The following SOX6 variants were observed in gnomAD, a reference collection of about 807,000 sequenced individuals.
The protein encoded by SOX6 is SRY-box transcription factor 6.
A neutral mutation model predicts 97.8 loss-of-function variants in SOX6; 11 were observed. The ratio of observed to expected loss-of-function variants is 0.11; its 90% CI spans 0.07 to 0.19. The LOEUF (loss-of-function observed/expected upper bound fraction) is 0.19. SOX6 is among the 10% of genes least tolerant of loss of function. The pLI is 1.00. For missense variants in SOX6, 810 were observed against 1,039.5 expected (o/e 0.78, Z 3.04); for synonymous variants, 360 against 371.4 (o/e 0.97, Z 0.35).
At chr11:16,063,417 C>T (rs1366864619) in intron 9 of SOX6, among the ~76,000 whole-genome samples, 2 of 145,984 alleles carry the variant, frequency 1.4e-5, no homozygotes, top group Non-Finnish European at 3.0e-5. Context: ...AAAAGAGAAG[C>T]ATGCTTTGTC....
At chr11:16,509,857 T>TTTCAGC (rs1378088674) in intron 4 of SOX6, among the ~76,000 whole-genome samples, 1 of 152,076 alleles carries the variant, frequency 6.6e-6, no homozygotes, top group Admixed American at 6.5e-5. Context: ...AAGCAGATTA[T>TTTCAGC]TTCAGCTTAA....
intron 7 of SOX6, among the ~76,000 whole-genome samples, chr11:16,105,466 G>A (rs759229783): frequency 8.5e-5 from 13 of 152,066 alleles, no homozygotes; most frequent in Admixed American, 2.0e-4. Context: ...TACTTGGGAG[G>A]CTGAGGTAGA....
intron 1 of SOX6, among the ~76,000 whole-genome samples, chr11:16,437,244 G>C (rs570437605): frequency 1.3e-5 from 2 of 151,324 alleles, no homozygotes; most frequent in African/African-American, 2.4e-5. Flanking sequence ...ACTCCGGCCT[G>C]GGGGGCAGAG....
chr11:15,981,140 C>T (rs896831454), intron 15 of SOX6, among the ~76,000 whole-genome samples: 1 of 151,992 alleles, frequency 6.6e-6, no homozygotes, highest in Non-Finnish European at 1.5e-5. Context: ...TTTTTTCCTT[C>T]CTTTATAGAT....
At chr11:16,629,267 C>T (rs1590020200) in intron 3 of SOX6, among the ~76,000 whole-genome samples, 1 of 152,088 alleles carries the variant, frequency 6.6e-6, no homozygotes, top group African/African-American at 2.4e-5. Context: ...GAGGTATGTT[C>T]CTTCGATGCC....
intron 3 of SOX6, among the ~76,000 whole-genome samples, chr11:16,241,734 T>G (rs1201061922): frequency 1.3e-5 from 2 of 152,028 alleles, no homozygotes; most frequent in Non-Finnish European, 2.9e-5. Context: ...GGCTCTCTCA[T>G]GCTCAGGTTG....
chr11:16,216,765 C>G (rs1852384966), intron 4 of SOX6, among the ~76,000 whole-genome samples: 1 of 152,072 alleles, frequency 6.6e-6, no homozygotes, highest in South Asian at 2.1e-4. Context: ...GTACAGAGAG[C>G]CATGTCAGAT....
At chr11:16,090,216 T>C (rs1848655922) in intron 9 of SOX6, among the ~76,000 whole-genome samples, 1 of 152,096 alleles carries the variant, frequency 6.6e-6, no homozygotes, top group Admixed American at 6.6e-5. Context: ...ACAAAAATCT[T>C]GTATCAGGAG....
At chr11:16,416,805 A>G (rs1024290357) in intron 1 of SOX6, among the ~76,000 whole-genome samples, 1 of 152,238 alleles carries the variant, frequency 6.6e-6, no homozygotes, top group Non-Finnish European at 1.5e-5. Context: ...GGACTATGAA[A>G]TCTTGACAGA....
intron 12 of SOX6, among the ~76,000 whole-genome samples, chr11:16,016,151 G>A (rs1015572003): frequency 6.6e-6 from 1 of 152,034 alleles, no homozygotes; most frequent in Non-Finnish European, 1.5e-5. Flanking sequence ...TATTCTTAAA[G>A]AGCAAACATA....
At chr11:16,342,355 T>C (rs761290793) in intron 1 of SOX6, among the ~76,000 whole-genome samples, 2 of 151,982 alleles carry the variant, frequency 1.3e-5, no homozygotes, top group Non-Finnish European at 2.9e-5. Context: ...TCTTTAGCTC[T>C]AAAACTGCTG....
chr11:15,995,911 T>C (rs1854209451), intron 13 of SOX6, among the ~76,000 whole-genome samples: 1 of 151,974 alleles, frequency 6.6e-6, no homozygotes, highest in South Asian at 2.1e-4. Flanking sequence ...TACTCTCAAA[T>C]GATTAAAAGC....
chr11:16,482,156 T>G (rs1269093607), intron 4 of SOX6, among the ~76,000 whole-genome samples: 1 of 152,190 alleles, frequency 6.6e-6, no homozygotes, highest in Non-Finnish European at 1.5e-5. Context: ...AATAGCCTTT[T>G]CAAATAATTG....
At chr11:16,600,145 G>A (rs183687519) in intron 4 of SOX6, among the ~76,000 whole-genome samples, 11 of 152,330 alleles carry the variant, frequency 7.2e-5, no homozygotes, top group African/African-American at 1.2e-4. Context: ...GCAATGCTCT[G>A]CTTAAGTGCT....
intron 4 of SOX6, among the ~76,000 whole-genome samples, chr11:16,531,053 C>T (rs1861229484): frequency 6.8e-6 from 1 of 147,718 alleles, no homozygotes; most frequent in Non-Finnish European, 1.5e-5. Flanking sequence ...GATAGATATA[C>T]ATCTCTATAT....
At chr11:16,716,017 T>C (rs1164448669) in intron 2 of SOX6, among the ~76,000 whole-genome samples, 1 of 152,140 alleles carries the variant, frequency 6.6e-6, no homozygotes, top group East Asian at 1.9e-4. Context: ...GAGGATCAAG[T>C]ACAGGCCAGG....
chr11:16,641,341 T>C (rs1447372798), intron 3 of SOX6, among the ~76,000 whole-genome samples: 3 of 152,176 alleles, frequency 2.0e-5, no homozygotes, highest in Admixed American at 2.0e-4. Flanking sequence ...ATGTGGTCAG[T>C]TTTGGAATAA....
intron 4 of SOX6, among the ~76,000 whole-genome samples, chr11:16,209,199 A>G (rs146909820): frequency 3.3e-5 from 5 of 152,338 alleles, no homozygotes; most frequent in African/African-American, 9.6e-5. Context: ...TTTTAAACAA[A>G]TTAGTATTTT....
intron 3 of SOX6, among the ~76,000 whole-genome samples, chr11:16,238,675 G>C (rs776007890): frequency 2.0e-5 from 3 of 151,968 alleles, no homozygotes. Flanking sequence ...TACAGCATGG[G>C]GAAGAGGAAG....
Sources: gnomAD v4.1 joint callset for allele counts (sites outside exome capture counted in the v4.1 genomes callset) on GRCh38, gnomAD v4.1.1 for gene constraint, MANE v1.5 for transcripts, NCBI Gene and HGNC (gene_info 2026-07-23, HGNC 2026-07-21) for gene names.